FOXP2: variants seen among roughly 807,000 people sequenced by gnomAD.
FOXP2 encodes forkhead box P2.
FOXP2 carries 12 observed loss-of-function variants against 115.8 expected under a neutral mutation model. The observed-to-expected ratio is 0.10, with a 90% CI of 0.07 to 0.17. The LOEUF (loss-of-function observed/expected upper bound fraction) is 0.17. Ranked by LOEUF, FOXP2 falls within the 10% of genes least tolerant of loss-of-function variation. FOXP2 has a pLI of 1.00. For missense variants in FOXP2, 629 were observed against 843.5 expected, an observed-to-expected ratio of 0.75 and a Z score of 3.15; for synonymous variants, 328 against 297.7, an observed-to-expected ratio of 1.10 and a Z score of -1.05.
intron 2 of FOXP2, among the ~76,000 whole-genome samples, chr7:114,337,788 G>T (rs1797892103): frequency 6.6e-6 from 1 of 151,068 alleles, no homozygotes; most frequent in Admixed American, 6.6e-5. Flanking sequence ...AGTAATTGGG[G>T]TTTTAAAACC....
upstream of FOXP2, among the ~76,000 whole-genome samples, chr7:114,161,163 G>C (rs578232584): frequency 2.6e-5 from 4 of 152,238 alleles, no homozygotes; most frequent in East Asian, 7.7e-4. Flanking sequence ...TATTCATCTA[G>C]AAAGTGCCTG....
At chr7:114,419,406 G>T (rs755561131) in intron 1 of FOXP2, among the ~76,000 whole-genome samples, 3 of 151,856 alleles carry the variant, frequency 2.0e-5, no homozygotes, top group Admixed American at 6.6e-5. Context: ...GTTTAAAATA[G>T]TTACATGTTG....
intron 1 of FOXP2, among the ~76,000 whole-genome samples, chr7:114,178,618 G>A (rs1408989933): frequency 6.6e-6 from 1 of 151,964 alleles, no homozygotes; most frequent in East Asian, 1.9e-4. Flanking sequence ...AGAACAGACA[G>A]AGTTAATGTT....
At chr7:114,488,355 T>C (rs1237005000) in intron 2 of FOXP2, among the ~76,000 whole-genome samples, 1 of 152,202 alleles carries the variant, frequency 6.6e-6, no homozygotes, top group Non-Finnish European at 1.5e-5. Context: ...AGCCAAACCA[T>C]ATCAGTGTCA....
chr7:114,645,334 AC>A (rs1805830244), intron 8 of FOXP2: 1 of 151,592 alleles, frequency 6.6e-6, no homozygotes, highest in African/African-American at 2.4e-5. Flanking sequence ...TTACATTGTT[AC>A]TTTTTGCCCT....
chr7:114,611,637 A>G (rs1346935861), intron 3 of FOXP2, among the ~76,000 whole-genome samples: 1 of 152,126 alleles, frequency 6.6e-6, no homozygotes, highest in Admixed American at 6.5e-5. Flanking sequence ...AACTACAGGA[A>G]GTTTTCTTTT....
chr7:114,570,578 G>A (rs1032988295), intron 3 of FOXP2, among the ~76,000 whole-genome samples: 2 of 151,656 alleles, frequency 1.3e-5, no homozygotes, highest in African/African-American at 4.8e-5. Context: ...TTTTGGTTAT[G>A]GGTTAATTTA....
At chr7:114,517,261 G>A (rs1248904948) in intron 2 of FOXP2, among the ~76,000 whole-genome samples, 1 of 152,066 alleles carries the variant, frequency 6.6e-6, no homozygotes, top group Non-Finnish European at 1.5e-5. Flanking sequence ...CTTACTAGAT[G>A]TGTGATTTGC....
At chr7:114,109,470 G>A (rs1216730464) in intron 1 of FOXP2, among the ~76,000 whole-genome samples, 1 of 151,978 alleles carries the variant, frequency 6.6e-6, no homozygotes, top group Non-Finnish European at 1.5e-5. Flanking sequence ...CAAACAGTAA[G>A]TTTTGAAAGT....
chr7:114,693,716 T>C lies in FOXP2; in HGVS notation c.*3790T>C, dbSNP rs906231810. 6 of 333,084 alleles carry C rather than the reference T, an allele frequency of 1.8e-5. No individual in the cohort carries two copies. The highest frequency in any genetic ancestry group is 4.2e-5 in the Admixed American group (1 of 24,020). The allele number at this position is 333,084 out of a possible 1,614,324, so 20.6% of individuals were successfully genotyped here. On this transcript the variant is annotated 3_prime_UTR_variant, in exon 17 of 17. Coordinates refer to ENST00000350908, the MANE Select transcript of FOXP2 (RefSeq NM_014491.4). The stretch of plus-strand genomic sequence containing the variant: ...TGTATATGAAACCATTTCATTCACT[T>C]GATTACATTTCTGAAGTATAAATAA...
chr7:114,579,340 A>G (rs919858160), intron 3 of FOXP2, among the ~76,000 whole-genome samples: 3 of 152,234 alleles, frequency 2.0e-5, no homozygotes, highest in African/African-American at 2.4e-5. Flanking sequence ...CATAAAATAT[A>G]TTCATAGCAC....
intron 1 of FOXP2, among the ~76,000 whole-genome samples, chr7:114,193,522 A>G (rs1793820778): frequency 6.6e-6 from 1 of 151,932 alleles, no homozygotes. Flanking sequence ...TTATATTTAT[A>G]TTTGAATGGA....
At chr7:114,168,654 G>A (rs541589917) in intron 1 of FOXP2, among the ~76,000 whole-genome samples, 5 of 152,308 alleles carry the variant, frequency 3.3e-5, no homozygotes, top group African/African-American at 1.2e-4. Flanking sequence ...CCCATTTTCT[G>A]AGGAGAAATT....
chr7:114,342,002 T>C (rs972388466), intron 2 of FOXP2, among the ~76,000 whole-genome samples: 2 of 151,386 alleles, frequency 1.3e-5, no homozygotes, highest in African/African-American at 4.8e-5. Context: ...TGCCTCATTT[T>C]GCACCTCGAT....
At chr7:114,158,188 A>C (rs1363573784), upstream of FOXP2, among the ~76,000 whole-genome samples, 2 of 152,206 alleles carry the variant, frequency 1.3e-5, no homozygotes, top group Admixed American at 6.6e-5. Flanking sequence ...AGTGTGTTGT[A>C]TAGCAAAATA....
intron 2 of FOXP2, among the ~76,000 whole-genome samples, chr7:114,313,448 A>G (rs1444331261): frequency 6.6e-6 from 1 of 150,722 alleles, no homozygotes; most frequent in African/African-American, 2.5e-5. Flanking sequence ...ATTAAAGGTA[A>G]AACAAAAATA....
At chr7:114,173,445 G>C (rs1207159698) in intron 1 of FOXP2, among the ~76,000 whole-genome samples, 3 of 149,944 alleles carry the variant, frequency 2.0e-5, no homozygotes, top group Non-Finnish European at 4.4e-5. Context: ...ATTTTCCCAG[G>C]AGTGAACGTC....
At chr7:114,659,035 A>T (rs1585002643) in intron 11 of FOXP2, among the ~76,000 whole-genome samples, 1 of 152,168 alleles carries the variant, frequency 6.6e-6, no homozygotes, top group East Asian at 1.9e-4. Flanking sequence ...AGCAAAGATT[A>T]TAGCAGGGGG....
At chr7:114,223,309 A>G (rs1794667243) in intron 1 of FOXP2, among the ~76,000 whole-genome samples, 1 of 152,016 alleles carries the variant, frequency 6.6e-6, no homozygotes, top group African/African-American at 2.4e-5. Flanking sequence ...GGGTAAAAAG[A>G]TATCTCACAA....
Sources: gnomAD v4.1 joint callset for allele counts (sites outside exome capture counted in the v4.1 genomes callset) on GRCh38, gnomAD v4.1.1 for gene constraint, MANE v1.5 for transcripts, NCBI Gene and HGNC (gene_info 2026-07-23, HGNC 2026-07-21) for gene names.